Variants in KCTD2 observed in about 807,000 individuals in gnomAD.
KCTD2 encodes the protein potassium channel tetramerization domain containing 2, also known as BTB/POZ domain-containing protein KCTD2.
A neutral mutation model predicts 27.9 loss-of-function variants in KCTD2; 18 were observed. The ratio of observed to expected loss-of-function variants is 0.64; its 90% CI spans 0.45 to 0.96. The LOEUF (loss-of-function observed/expected upper bound fraction) is 0.96. Among genes scored for constraint, KCTD2 ranks in the 40% least tolerant of loss-of-function variants. KCTD2 has a pLI of 0.00. For missense variants in KCTD2, 280 were observed against 348.0 expected (o/e 0.80, Z 1.56); for synonymous variants, 175 against 148.4 (o/e 1.18, Z -1.30).
At chr17:75,049,187 G>A (rs760542171) in intron 1 of KCTD2, 33 bp from the exon 2 acceptor site, 23 of 1,319,514 alleles carry the variant, frequency 1.7e-5, no homozygotes, top group Non-Finnish European at 2.5e-5. Flanking sequence ...CTCCTCAAAG[G>A]TCCACAATGA....
At chr17:75,052,028 A>G (rs903234043) in intron 2 of KCTD2, among the ~76,000 whole-genome samples, 5 of 150,500 alleles carry the variant, frequency 3.3e-5, no homozygotes, top group African/African-American at 1.2e-4. Context: ...CCCCACCCCC[A>G]GTCCTTTTGA....
chr17:75,062,745 G>C (rs927649075), intron 5 of KCTD2, among the ~76,000 whole-genome samples: 24 of 59,786 alleles, frequency 4.0e-4, no homozygotes, highest in Admixed American at 5.4e-4. Context: ...CACACACACA[G>C]CTTCTAAATC....
intron 2 of KCTD2, among the ~76,000 whole-genome samples, chr17:75,050,716 T>C (rs776523382): frequency 1.1e-4 from 17 of 152,232 alleles, no homozygotes; most frequent in Non-Finnish European, 2.4e-4. Context: ...AAAAAAACTT[T>C]ATTTTGAAGT....
intron 3 of KCTD2, among the ~76,000 whole-genome samples, chr17:75,057,207 G>A (rs1386727986): frequency 6.6e-6 from 1 of 151,954 alleles, no homozygotes; most frequent in Non-Finnish European, 1.5e-5. Flanking sequence ...ACCAACCTCA[G>A]CCTCCCAAAG....
upstream of KCTD2, chr17:75,042,319 A>G (rs965130437): frequency 6.3e-7 from 1 of 1,597,392 alleles, no homozygotes; most frequent in African/African-American, 1.3e-5. Context: ...GTTCATAAGC[A>G]GTAGAAAATT....
At chr17:75,047,019 G>A (rs936546165), upstream of KCTD2, 8 of 233,164 alleles carry the variant, frequency 3.4e-5, no homozygotes, top group African/African-American at 1.6e-4. Context: ...AGCCAAGGGG[G>A]TGGGCCTTGC....
intron 3 of KCTD2, chr17:75,039,492 C>A: frequency 1.9e-6 from 1 of 529,990 alleles, no homozygotes; most frequent in Non-Finnish European, 3.4e-6. Flanking sequence ...TGGCAGCACC[C>A]GGCTGCTTCT....
At chr17:75,056,652 T>G (rs1303554541) in intron 3 of KCTD2, among the ~76,000 whole-genome samples, 1 of 152,238 alleles carries the variant, frequency 6.6e-6, no homozygotes, top group Admixed American at 6.5e-5. Context: ...GTAGTGAAAC[T>G]GAAAAATGGA....
chr17:75,049,252 C>T lies in KCTD2; in HGVS notation c.372C>T (p.Asp124=). 1 of 1,613,396 alleles carries T rather than the reference C, an allele frequency of 6.2e-7. No individual in the cohort carries two copies. The highest frequency in any genetic ancestry group is 8.5e-7 in the Non-Finnish European group (1 of 1,179,388). Residue 124 remains aspartate (D), a synonymous_variant, in exon 2 of 6, where the codon GAC becomes GAT. Coordinates refer to ENST00000322444, the MANE Select transcript of KCTD2 (RefSeq NM_015353.3). ...DETGAYLIDR[D]PTYFGPILNY... ...CAGGAGCCTATCTGATTGACAGGGA[C>T]CCCACCTACTTTGGTCCTATCCTCA...
Position 75,047,254 on chromosome 17 carries a change from GC to G in KCTD2, c.5del (p.Ala2GlyfsTer75). ...GCGGTGGCGGCGGCGGTCCAAGATGGCGGAACTGCAGCTGGACCCGGCGATG... is the reference window on the plus strand; with the variant it reads ...GCGGTGGCGGCGGCGGTCCAAGATGGGGAACTGCAGCTGGACCCGGCGATG... MAELQLDPAMAG... is the reference protein window; with the variant it reads MXELQLDPAMAG... On this transcript the variant is annotated frameshift_variant, in exon 1 of 6. Coordinates refer to ENST00000322444, the MANE Select transcript of KCTD2 (RefSeq NM_015353.3). LOFTEE classifies it high-confidence loss of function. 9.9e-7 allele frequency: 1 copy of G among 1,009,320 alleles called. No homozygotes were observed. Among genetic ancestry groups the G allele is most frequent in the South Asian group, 3.5e-5 (1 of 28,228 alleles). The allele number at this position is 1,009,320 out of a possible 1,614,324, so 62.5% of individuals were successfully genotyped here.
intron 3 of KCTD2, chr17:75,041,714 G>A (rs1276045086): frequency 6.5e-6 from 1 of 153,168 alleles, no homozygotes; most frequent in East Asian, 1.9e-4. Context: ...CCCAGGAGGT[G>A]GGCAAACATT....
intron 1 of KCTD2, chr17:75,048,986 G>C: frequency 2.7e-6 from 1 of 373,216 alleles, no homozygotes; most frequent in Non-Finnish European, 4.8e-6. Flanking sequence ...GAGTATGACT[G>C]TCTGTAACAC....
chr17:75,053,858 C>CTTTTTTTTTTTTT lies in KCTD2; in HGVS notation c.540+767_540+779dup. ...CTTCAGCAGCTGCTTGTGAACCATG[C>CTTTTTTTTTTTTT]TTTTTTTTTTTTTTTTTTTTTTTTT... On this transcript the variant is annotated intron_variant, in intron 3 of 5. Coordinates refer to ENST00000322444, the MANE Select transcript of KCTD2 (RefSeq NM_015353.3). Among the ~76,000 whole-genome samples the CTTTTTTTTTTTTT allele has an allele frequency of 7.9e-4, 47 of 59,322 alleles. 11 individuals carry two copies. Among genetic ancestry groups the CTTTTTTTTTTTTT allele is most frequent in the African/African-American group, 3.8e-3 (39 of 10,350 alleles). 38.9% of individuals were successfully genotyped at this position (59,322 alleles called of 152,430 possible).
intron 1 of KCTD2, among the ~76,000 whole-genome samples, chr17:75,048,617 C>A (rs1412227739): frequency 1.3e-5 from 2 of 152,080 alleles, no homozygotes; most frequent in Non-Finnish European, 2.9e-5. Flanking sequence ...CTTCTTGTTC[C>A]TTTTACTGTA....
chr17:75,044,966 C>T (rs1345136369), upstream of KCTD2, among the ~76,000 whole-genome samples: 2 of 152,148 alleles, frequency 1.3e-5, no homozygotes, highest in African/African-American at 4.8e-5. Context: ...TACCAGGGAA[C>T]CAAGCACCCT....
intron 3 of KCTD2, chr17:75,040,294 A>G (rs2144909803): frequency 1.9e-6 from 2 of 1,044,382 alleles, no homozygotes; most frequent in African/African-American, 1.6e-5. Context: ...ACTGAAAGAC[A>G]TTCTGTGTCC....
At position 75,054,087 on chromosome 17, in the gene KCTD2, A is replaced by G. The variant is rs187102973; in HGVS notation, c.540+982A>G. ...GGTTGGAGTGCAGTGGCGTGATCAC[A>G]GCTCACTGCAGCCTTGGCTTCCCAG... On this transcript the variant is annotated intron_variant, in intron 3 of 5. Transcript: ENST00000322444. Among the ~76,000 whole-genome samples the G allele has an allele frequency of 8.7e-3, 1,328 of 151,784 alleles. 8 individuals are homozygous for G. The highest frequency in any genetic ancestry group is 0.013 in the Non-Finnish European group (885 of 67,906).
chr17:75,047,146 T>C (rs2144921689), upstream of KCTD2: 1 of 294,776 alleles, frequency 3.4e-6, no homozygotes, highest in Non-Finnish European at 5.9e-6. Flanking sequence ...CCCGTCCCTC[T>C]CCCCTCTGCC....
At chr17:75,033,741 G>A (rs1403738769) in intron 1 of KCTD2, among the ~76,000 whole-genome samples, 1 of 152,238 alleles carries the variant, frequency 6.6e-6, no homozygotes, top group Non-Finnish European at 1.5e-5. Context: ...GCTAAGTAAG[G>A]ATGGGGGCAG....
Sources: allele counts gnomAD v4.1 joint callset (sites outside exome capture counted in the v4.1 genomes callset), GRCh38; gene constraint gnomAD v4.1.1; transcripts MANE v1.5; gene names NCBI Gene and HGNC (gene_info 2026-07-23, HGNC 2026-07-21).